The following RYR3 variants were observed in gnomAD, a reference collection of about 807,000 sequenced individuals.
RYR3 encodes the protein brain ryanodine receptor-calcium release channel.
In RYR3, 207 loss-of-function variants were observed where a neutral mutation model predicts 584.3. The ratio of observed to expected loss-of-function variants is 0.35; its 90% CI spans 0.32 to 0.40. The LOEUF is 0.40. Ranked by LOEUF, RYR3 falls within the 10% of genes least tolerant of loss-of-function variation. The probability of loss-of-function intolerance (pLI) is 1.00; values close to 1 mark genes in which losing one functional copy is unlikely to be tolerated. For missense variants in RYR3, 5,616 were observed against 6,089.2 expected, an observed-to-expected ratio of 0.92 and a Z score of 2.59; for synonymous variants, 2,416 against 2,248.5, an observed-to-expected ratio of 1.07 and a Z score of -2.11.
intron 16 of RYR3, 48 bp downstream of exon 16, chr15:33,586,164 C>A: frequency 9.5e-7 from 1 of 1,056,686 alleles, no homozygotes; most frequent in Non-Finnish European, 1.5e-6. Flanking sequence ...GTTTCCCTCC[C>A]CAATGTTCAT....
intron 67 of RYR3, among the ~76,000 whole-genome samples, chr15:33,797,219 CCTT>C (rs1002471114): frequency 2.0e-5 from 3 of 152,164 alleles, no homozygotes; most frequent in Non-Finnish European, 4.4e-5. Flanking sequence ...CTAAACCCAA[CCTT>C]CTTCTCTGCC....
intron 3 of RYR3, among the ~76,000 whole-genome samples, chr15:33,530,346 T>A (rs549144423): frequency 6.6e-6 from 1 of 152,310 alleles, no homozygotes; most frequent in South Asian, 2.1e-4. Flanking sequence ...TTTCTGCTGA[T>A]CCTGGGCAGA....
At chr15:33,761,250 G>T (rs1171705679) in intron 60 of RYR3, among the ~76,000 whole-genome samples, 1 of 151,996 alleles carries the variant, frequency 6.6e-6, no homozygotes, top group African/African-American at 2.4e-5. Context: ...AAATAACTAA[G>T]ATCAGAGCAG....
chr15:33,792,485 A>G (rs1411271042), intron 67 of RYR3, among the ~76,000 whole-genome samples: 1 of 152,138 alleles, frequency 6.6e-6, no homozygotes, highest in East Asian at 1.9e-4. Flanking sequence ...GGTGGTGGCC[A>G]TATGCTGTGC....
At chr15:33,862,664 G>A (rs1198304834) in intron 102 of RYR3, among the ~76,000 whole-genome samples, 1 of 152,132 alleles carries the variant, frequency 6.6e-6, no homozygotes, top group African/African-American at 2.4e-5. Context: ...AGGCTGAAGT[G>A]CAGTGGCGCC....
At chr15:33,617,294 C>T (rs1256496198) in intron 19 of RYR3, among the ~76,000 whole-genome samples, 2 of 151,940 alleles carry the variant, frequency 1.3e-5, no homozygotes, top group African/African-American at 4.8e-5. Context: ...CGCCTGTAGT[C>T]CCAGCTACTT....
At chr15:33,790,396 G>T (rs910122334) in intron 67 of RYR3, among the ~76,000 whole-genome samples, 6 of 152,134 alleles carry the variant, frequency 3.9e-5, no homozygotes, top group African/African-American at 1.2e-4. Flanking sequence ...CAGATTCTGG[G>T]TCTGTTTTGA....
At chr15:33,586,165 C>T (rs754327955) in intron 16 of RYR3, 49 bp downstream of exon 16, 1 of 1,040,172 alleles carries the variant, frequency 9.6e-7, no homozygotes, top group Admixed American at 1.7e-5. Flanking sequence ...TTTCCCTCCC[C>T]AATGTTCATG....
At chr15:33,692,341 G>T (rs1424703037) in intron 38 of RYR3, among the ~76,000 whole-genome samples, 1 of 152,132 alleles carries the variant, frequency 6.6e-6, no homozygotes, top group Non-Finnish European at 1.5e-5. Flanking sequence ...TTGTGCCTGG[G>T]TTTGCTTGGT....
rs1462420169 is a variant in RYR3, at chr15:33,662,806, G to A, written c.5276G>A (p.Ser1759Asn). ...LIDPSVFGEH[S>N]AGTEEGAEKE... ...GATCCCTCTGTGTTTGGGGAGCATA[G>A]TGCGGGGACAGAGGAGGGAGCAGAA... Residue 1759 changes from serine (S) to asparagine (N), a missense_variant, in exon 35 of 104, where the codon AGT (serine) becomes AAT (asparagine). Transcript: ENST00000634891. 6.2e-7 allele frequency: 1 copy of A among 1,613,992 alleles called. No homozygotes were observed. The highest frequency in any genetic ancestry group is 1.1e-5 in the South Asian group (1 of 91,074).
intron 1 of RYR3, among the ~76,000 whole-genome samples, chr15:33,352,887 A>G (rs1973466707): frequency 6.6e-6 from 1 of 152,186 alleles, no homozygotes; most frequent in Non-Finnish European, 1.5e-5. Flanking sequence ...ATTTCACTTA[A>G]CACACGAGGA....
intron 60 of RYR3, among the ~76,000 whole-genome samples, chr15:33,768,277 C>T (rs990387205): frequency 1.3e-5 from 2 of 152,224 alleles, no homozygotes; most frequent in Admixed American, 1.3e-4. Context: ...TCCATTGCAA[C>T]AAGGGGAAAA....
chr15:33,581,533 G>T lies in RYR3; in HGVS notation c.1463G>T (p.Cys488Phe), dbSNP rs766106079. Residue 488 changes from cysteine to phenylalanine, a missense_variant, in exon 14 of 104, where the codon TGC becomes TTC. Transcript: ENST00000634891. The part of the protein sequence containing the change: ...EEGMLALVLN[C>F]IDRLNVYNSV... ...GGAATGTTGGCCCTTGTCTTAAATT[G>T]CATTGACCGCTTAAATGTCTACAAT... The T allele has an allele frequency of 5.6e-6, 9 of 1,613,526 alleles. No individual in the cohort carries two copies. Among genetic ancestry groups the T allele is most frequent in the Non-Finnish European group, 7.6e-6 (9 of 1,179,628 alleles).
chr15:33,374,560 C>G (rs959479633), intron 1 of RYR3, among the ~76,000 whole-genome samples: 2 of 152,014 alleles, frequency 1.3e-5, no homozygotes, highest in African/African-American at 4.8e-5. Context: ...TTAATTGCAC[C>G]AAGAAAATTT....
At chr15:33,726,357 C>A in intron 45 of RYR3, 29 bp from the exon 46 acceptor site, 1 of 1,611,836 alleles carries the variant, frequency 6.2e-7, no homozygotes, top group Non-Finnish European at 8.5e-7. Context: ...CCTCACTTAT[C>A]TAATGTCATT....
At chr15:33,759,990 A>G (rs2072267640) in intron 60 of RYR3, among the ~76,000 whole-genome samples, 1 of 152,168 alleles carries the variant, frequency 6.6e-6, no homozygotes, top group South Asian at 2.1e-4. Flanking sequence ...AATATTCAAC[A>G]TTCTTAAGGG....
At chr15:33,854,195 C>CAA (rs35238625) in intron 96 of RYR3, among the ~76,000 whole-genome samples, 194 bp from the exon 97 acceptor site, 14,926 of 137,804 alleles carry the variant, frequency 0.11, 1,613 homozygotes, top group African/African-American at 0.26. Context: ...GACTCCGTTT[C>CAA]AAAAAAAAAA....
At chr15:33,585,429 A>C (rs2058798154) in intron 15 of RYR3, among the ~76,000 whole-genome samples, 1 of 152,134 alleles carries the variant, frequency 6.6e-6, no homozygotes, top group Non-Finnish European at 1.5e-5. Context: ...TTAAGCCTTC[A>C]CTTATATAAC....
At position 33,726,489 on chromosome 15, in the gene RYR3, T is replaced by C; in HGVS notation, c.7016T>C (p.Leu2339Pro). The C allele has an allele frequency of 6.3e-7, 1 of 1,599,374 alleles. No homozygotes were observed. Among genetic ancestry groups the C allele is most frequent in the Non-Finnish European group, 8.5e-7 (1 of 1,172,778 alleles). ...GGGATCATCAGCATCCCCTTGAAACTGCCCTCCCTCAACAAAGGTAAGGGG... is the reference window on the plus strand; with the variant it reads ...GGGATCATCAGCATCCCCTTGAAACCGCCCTCCCTCAACAAAGGTAAGGGG... Reference protein sequence around the residue: ...LVGIISIPLKLPSLNKDGSVS... With the variant: ...LVGIISIPLKPPSLNKDGSVS... The change falls in exon 46 of 104, where the codon CTG (leucine) becomes CCG (proline). Residue 2339 changes from leucine to proline, a missense_variant. Physicochemically the swap from Leu to Pro is moderately conservative, Grantham distance 98. Around this residue, in one of 9 missense-constraint regions of RYR3, gnomAD observed 1,280 missense variants for 1,426.2 expected, o/e 0.90. Transcript: ENST00000634891.
Sources: gnomAD v4.1 joint callset for allele counts (sites outside exome capture counted in the v4.1 genomes callset) on GRCh38, gnomAD v4.1.1 for gene constraint, gnomAD v4.1.1 regional missense constraint, MANE v1.5 for transcripts, NCBI Gene and HGNC (gene_info 2026-07-23, HGNC 2026-07-21) for gene names.